ASTN1: variants seen among roughly 807,000 people sequenced by gnomAD.
ASTN1 encodes the protein astrotactin 1.
ASTN1 carries 41 observed loss-of-function variants against 140.7 expected under a neutral mutation model. That is an observed-to-expected ratio of 0.29 (90% CI 0.23 to 0.38). The LOEUF is 0.38. Among genes scored for constraint, ASTN1 ranks in the 10% least tolerant of loss-of-function variants. ASTN1 has a pLI of 1.00. For synonymous variants in ASTN1, 640 were observed against 652.2 expected, an observed-to-expected ratio of 0.98 and a Z score of 0.29; for missense variants, 1,479 against 1,678.8, an observed-to-expected ratio of 0.88 and a Z score of 2.08.
At chr1:177,108,689 T>A (rs1015580535) in intron 1 of ASTN1, among the ~76,000 whole-genome samples, 2 of 152,126 alleles carry the variant, frequency 1.3e-5, no homozygotes, top group African/African-American at 4.8e-5. Context: ...TTTATTGAGA[T>A]AAGAAAAACT....
At chr1:176,923,724 T>C (rs951264613) in intron 16 of ASTN1, among the ~76,000 whole-genome samples, 5 of 152,186 alleles carry the variant, frequency 3.3e-5, no homozygotes, top group Non-Finnish European at 4.4e-5. Context: ...TTCAGTACTA[T>C]TCAAGGTTCC....
At chr1:177,072,811 CCTCACACCTACGTGTG>C (rs1678708460) in intron 1 of ASTN1, among the ~76,000 whole-genome samples, 1 of 152,158 alleles carries the variant, frequency 6.6e-6, no homozygotes, top group Admixed American at 6.5e-5. Context: ...TGGTGCCACT[CCTCACACCTACGTGTG>C]CTGGTCACTG....
chr1:177,099,079 G>A (rs535597312), intron 1 of ASTN1, among the ~76,000 whole-genome samples: 1 of 152,100 alleles, frequency 6.6e-6, no homozygotes, highest in South Asian at 2.1e-4. Flanking sequence ...TATACTACTA[G>A]GGAAGAATAT....
At chr1:177,151,483 C>G (rs1290718112) in intron 1 of ASTN1, among the ~76,000 whole-genome samples, 2 of 151,806 alleles carry the variant, frequency 1.3e-5, no homozygotes, top group African/African-American at 4.8e-5. Context: ...CTGCCCTTCC[C>G]CTTCCTGTGA....
chr1:177,014,972 TC>T, intron 7 of ASTN1, 97 bp from the exon 8 acceptor site: 8 of 1,088,654 alleles, frequency 7.3e-6, no homozygotes, highest in African/African-American at 1.6e-5. Context: ...CAGGGTAAAC[TC>T]TTACTCTGAT....
At chr1:176,879,514 A>G (rs1487237931) in intron 20 of ASTN1, among the ~76,000 whole-genome samples, 2 of 152,084 alleles carry the variant, frequency 1.3e-5, no homozygotes, top group Non-Finnish European at 2.9e-5. Context: ...ATAATGAGAA[A>G]CATCCTACTT....
intron 7 of ASTN1, among the ~76,000 whole-genome samples, chr1:177,019,771 G>C (rs1203482534): frequency 6.6e-6 from 1 of 152,206 alleles, no homozygotes; most frequent in Non-Finnish European, 1.5e-5. Flanking sequence ...TCCAGCTCCA[G>C]TTCTTCCATA....
chr1:177,135,256 C>G (rs1682135552), intron 1 of ASTN1, among the ~76,000 whole-genome samples: 1 of 151,906 alleles, frequency 6.6e-6, no homozygotes, highest in Non-Finnish European at 1.5e-5. Flanking sequence ...AAGGTTAGAT[C>G]CTAGTTAATT....
At chr1:176,957,977 G>T in intron 10 of ASTN1, 149 bp from the exon 11 acceptor site, 1 of 1,099,300 alleles carries the variant, frequency 9.1e-7, no homozygotes, top group Non-Finnish European at 1.3e-6. Context: ...TCCAAGCCTT[G>T]AACTAACAAA....
chr1:176,875,829 C>A (rs1053883541), intron 21 of ASTN1, among the ~76,000 whole-genome samples: 1 of 152,156 alleles, frequency 6.6e-6, no homozygotes, highest in Non-Finnish European at 1.5e-5. Context: ...TGCTGGAGCC[C>A]TGAAGAAGTG....
At chr1:177,017,952 G>C (rs1022560141) in intron 7 of ASTN1, among the ~76,000 whole-genome samples, 1 of 152,146 alleles carries the variant, frequency 6.6e-6, no homozygotes, top group Non-Finnish European at 1.5e-5. Flanking sequence ...ACATGGCTGG[G>C]CTCACCATAA....
intron 1 of ASTN1, among the ~76,000 whole-genome samples, chr1:177,146,531 A>G (rs1682728536): frequency 6.6e-6 from 1 of 152,222 alleles, no homozygotes; most frequent in South Asian, 2.1e-4. Flanking sequence ...ATATTAGTTC[A>G]TGGAGTTACA....
At chr1:177,075,649 T>TC (rs1306681683) in intron 1 of ASTN1, among the ~76,000 whole-genome samples, 5 of 142,474 alleles carry the variant, frequency 3.5e-5, no homozygotes, top group African/African-American at 7.8e-5. Context: ...TCTTTTCTTT[T>TC]TTTTTTTTTT....
intron 1 of ASTN1, among the ~76,000 whole-genome samples, chr1:177,157,127 T>C (rs768452822): frequency 1.3e-5 from 2 of 152,332 alleles, no homozygotes; most frequent in African/African-American, 2.4e-5. Context: ...AAAATCTGAA[T>C]ACAGTGTAGA....
At chr1:177,101,243 GAC>G (rs1491237323) in intron 1 of ASTN1, among the ~76,000 whole-genome samples, 1 of 152,090 alleles carries the variant, frequency 6.6e-6, no homozygotes, top group African/African-American at 2.4e-5. Flanking sequence ...TAAGTCAAAA[GAC>G]ATGCATAAGA....
At chr1:177,106,665 G>A (rs1419136550) in intron 1 of ASTN1, among the ~76,000 whole-genome samples, 1 of 152,170 alleles carries the variant, frequency 6.6e-6, no homozygotes, top group Non-Finnish European at 1.5e-5. Flanking sequence ...CTGCCAAAAG[G>A]AGGTTTACTC....
chr1:177,118,898 G>A (rs1382475323), intron 1 of ASTN1, among the ~76,000 whole-genome samples: 2 of 152,134 alleles, frequency 1.3e-5, no homozygotes, highest in African/African-American at 4.8e-5. Flanking sequence ...CTGGGTGGGA[G>A]GCCTTGGGAA....
chr1:176,959,586 G>C (rs1342555281), intron 9 of ASTN1, among the ~76,000 whole-genome samples: 1 of 152,122 alleles, frequency 6.6e-6, no homozygotes, highest in Non-Finnish European at 1.5e-5. Flanking sequence ...TAGGGCTCCT[G>C]AGTTAGAGAG....
intron 16 of ASTN1, among the ~76,000 whole-genome samples, chr1:176,904,545 C>A (rs953131215): frequency 6.6e-6 from 1 of 152,078 alleles, no homozygotes; most frequent in South Asian, 2.1e-4. Context: ...ATTTCCAAAT[C>A]TCCATTAGCA....
Sources: allele counts gnomAD v4.1 joint callset (sites outside exome capture counted in the v4.1 genomes callset), GRCh38; gene constraint gnomAD v4.1.1; transcripts MANE v1.5; gene names NCBI Gene and HGNC (gene_info 2026-07-23, HGNC 2026-07-21).